HOXA5: variants seen among roughly 807,000 people sequenced by gnomAD.
The protein encoded by HOXA5 is homeobox protein Hox-A5.
A neutral mutation model predicts 20.0 loss-of-function variants in HOXA5; 12 were observed. The observed-to-expected ratio is 0.60, with a 90% CI of 0.38 to 0.97. The LOEUF (loss-of-function observed/expected upper bound fraction) is 0.97, where lower values mean the gene tolerates loss of function less well. HOXA5 is among the 50% of genes least tolerant of loss of function. The probability of loss-of-function intolerance (pLI) is 0.00; values close to 1 mark genes in which losing one functional copy is unlikely to be tolerated. For synonymous variants in HOXA5, 159 were observed against 157.7 expected (o/e 1.01, Z -0.06); for missense variants, 352 against 380.3 (o/e 0.93, Z 0.62).
At position 27,141,826 on chromosome 7, in the gene HOXA5, C is replaced by T; in HGVS notation, c.*9G>A. ...CTAATACTGCTCAGTACTTTAAACG[C>T]TCAGATACTCAGGGACGGAAGGCCC... is the stretch of plus-strand genomic sequence containing the variant. On this transcript the variant is annotated 3_prime_UTR_variant, in exon 2 of 2. Coordinates refer to ENST00000222726, the MANE Select transcript of HOXA5 (RefSeq NM_019102.4). The T allele has an allele frequency of 1.2e-6, 2 of 1,613,334 alleles. 1 individual carries two copies. The highest frequency in any genetic ancestry group is 2.2e-5 in the South Asian group (2 of 91,012).
In HOXA5 at chr7:27,142,036, G is replaced by A. The variant is rs370228653; in HGVS notation, c.612C>T (p.Arg204=). ...CCTTCTCCAGCTCCAGGGTCTGGTA[G>A]CGCGTGTAGGCCGTCCGGGCCCTTT... is the stretch of plus-strand genomic sequence containing the variant. ...EGKRARTAYT[R]YQTLELEKEF... Residue 204 remains arginine (R), a synonymous_variant, in exon 2 of 2, where the codon CGC becomes CGT. Transcript: ENST00000222726. 55 of 1,614,056 alleles carry A rather than the reference G, an allele frequency of 3.4e-5. No homozygotes were observed. The highest frequency in any genetic ancestry group is 4.7e-5 in the Non-Finnish European group (55 of 1,180,036).
In HOXA5 at chr7:27,143,087, G is replaced by T. The variant is rs765953050; in HGVS notation, c.521C>A (p.Pro174His). 3.2e-6 allele frequency: 5 copies of T among 1,557,366 alleles called. No individual in the cohort carries two copies. In the Admixed American group the frequency reaches 1.0e-4, roughly 31 times the overall value. The change falls in exon 1 of 2, where the codon CCC (proline) becomes CAC (histidine). Residue 174 changes from proline to histidine, a missense_variant. By Grantham distance (77) the Pro-to-His change is moderately conservative. This residue lies in a region of HOXA5 where 319 missense variants were observed against 336.5 expected (regional missense o/e 0.95). Coordinates refer to ENST00000222726, the MANE Select transcript of HOXA5 (RefSeq NM_019102.4). ...CTTGCGCATCCAGGGGTAGATCTGG[G>T]GTTGGGCGGGCGGCGCCGGGCTCGG... ...SEPSPAPPAQ[P>H]QIYPWMRKLH...
chr7:27,142,783 C>T (rs1280573423), intron 1 of HOXA5: 1 of 443,712 alleles, frequency 2.3e-6, no homozygotes. Context: ...GCGTGGGGTT[C>T]CAGAGGGGTT....
Position 27,142,936 on chromosome 7 carries a change from G to A in HOXA5, c.562+110C>T, listed in dbSNP as rs533347390. 20 of 1,044,896 alleles carry A rather than the reference G, an allele frequency of 1.9e-5. No individual in the cohort carries two copies. In the African/African-American group the frequency reaches 2.5e-4, roughly 13 times the overall value. The allele number at this position is 1,044,896 out of a possible 1,614,324, so 64.7% of individuals were successfully genotyped here. ...AGAACGGCAAGGAGAGCTCCGCAGG[G>A]CTGGGAGAAATGAGACCAAGAGAGA... On this transcript the variant is annotated intron_variant, in intron 1 of 1. Transcript: ENST00000222726.
chr7:27,142,362 C>T (rs892823205), intron 1 of HOXA5, among the ~76,000 whole-genome samples: 6 of 152,178 alleles, frequency 3.9e-5, no homozygotes, highest in Non-Finnish European at 8.8e-5. Flanking sequence ...CCGCCCTGCC[C>T]CGGGCGCCCC....
intron 1 of HOXA5, among the ~76,000 whole-genome samples, chr7:27,142,339 T>G (rs1403666425): frequency 6.6e-6 from 1 of 152,122 alleles, no homozygotes; most frequent in African/African-American, 2.4e-5. Flanking sequence ...CCCTGGCCCC[T>G]CTCCTGCCCC....
In HOXA5 at chr7:27,141,790, C is replaced by A. The variant is rs555485879; in HGVS notation, c.*45G>T. The stretch of plus-strand genomic sequence containing the variant: ...GAAAGTCACCTTAGTACTGACACTA[C>A]GCGGGATCCGCTAATACTGCTCAGT... On this transcript the variant is annotated 3_prime_UTR_variant, in exon 2 of 2. Transcript: ENST00000222726. The A allele has an allele frequency of 6.3e-7, 1 of 1,597,086 alleles. No homozygotes were observed. Among genetic ancestry groups the A allele is most frequent in the South Asian group, 1.1e-5 (1 of 88,002 alleles).
chr7:27,143,225 G>T lies in HOXA5; in HGVS notation c.383C>A (p.Ala128Asp). The change falls in exon 1 of 2, where the codon GCC becomes GAC. Residue 128 changes from alanine (A) to aspartate (D), a missense_variant. Coordinates refer to ENST00000222726, the MANE Select transcript of HOXA5 (RefSeq NM_019102.4). ...GTGGGTGCTGCCGGCGTCGGCCGAG[G>T]CGCCGCTGGAGTTGCTTAGGGAGTT... Reference protein sequence around the residue: ...GKNSLSNSSGASADAGSTHIS... With the variant: ...GKNSLSNSSGDSADAGSTHIS... The T allele has an allele frequency of 6.2e-7, 1 of 1,610,052 alleles. No homozygotes were observed.
At position 27,141,862 on chromosome 7, in the gene HOXA5, G is replaced by A. The variant is rs1385874675; in HGVS notation, c.786C>T (p.Ala262=). Reference sequence around the variant, plus strand: ...AGGGACGGAAGGCCCCTCCTGCCGCGGCCATGCTCATGCTTTTCAGCTTAT... The same window carrying A: ...AGGGACGGAAGGCCCCTCCTGCCGCAGCCATGCTCATGCTTTTCAGCTTAT... ...KDNKLKSMSM[A]AAGGAFRP Residue 262 remains alanine (A), a synonymous_variant, in exon 2 of 2, where the codon GCC becomes GCT. Coordinates refer to ENST00000222726, the MANE Select transcript of HOXA5 (RefSeq NM_019102.4). 6.2e-7 allele frequency: 1 copy of A among 1,614,050 alleles called. No individual in the cohort carries two copies. The highest frequency in any genetic ancestry group is 8.5e-7 in the Non-Finnish European group (1 of 1,179,998).
rs746464061 is a variant in HOXA5, at chr7:27,141,832, T to C, written c.*3A>G. ...CTGCTCAGTACTTTAAACGCTCAGATACTCAGGGACGGAAGGCCCCTCCTG... is the reference window on the plus strand; with the variant it reads ...CTGCTCAGTACTTTAAACGCTCAGACACTCAGGGACGGAAGGCCCCTCCTG... On this transcript the variant is annotated 3_prime_UTR_variant, in exon 2 of 2. Transcript: ENST00000222726. 8 of 1,613,656 alleles carry C rather than the reference T, an allele frequency of 5.0e-6. No homozygotes were observed. Among genetic ancestry groups the C allele is most frequent in the Non-Finnish European group, 6.8e-6 (8 of 1,179,956 alleles).
rs546604133 is a variant in HOXA5 at position 27,142,992 on chromosome 7, G to A, written c.562+54C>T. ...AGAGGGCGGCAGAGAAGAGAGGGGG[G>A]ACCGAGAGCCGCGTCCCCGCGGTCG... is the stretch of plus-strand genomic sequence containing the variant. On this transcript the variant is annotated intron_variant, in intron 1 of 1. Coordinates refer to ENST00000222726, the MANE Select transcript of HOXA5 (RefSeq NM_019102.4). The A allele has an allele frequency of 2.8e-4, 402 of 1,439,890 alleles. 4 individuals are homozygous for A. The African/African-American group carries it at 4.9e-3, about 17-fold the overall frequency. 89.2% of individuals were successfully genotyped at this position (1,439,890 alleles called of 1,614,324 possible). A position where few individuals can be genotyped will look rare whatever the true frequency, so the allele number is the denominator to read the frequency against.
Position 27,143,397 on chromosome 7 carries a change from G to C in HOXA5, c.211C>G (p.Arg71Gly), listed in dbSNP as rs761081495. 2 of 1,606,864 alleles carry C rather than the reference G, an allele frequency of 1.2e-6. No homozygotes were observed. The highest frequency in any genetic ancestry group is 1.7e-5 in the Admixed American group (1 of 59,494). ...SGHFGSGERA[R>G]SYAASASAAP... Reference sequence around the variant, plus strand: ...GCGCTGGCGCTGGCAGCGTAGCTGCGGGCGCGCTCTCCGGAGCCAAAGTGG... The same window carrying C: ...GCGCTGGCGCTGGCAGCGTAGCTGCCGGCGCGCTCTCCGGAGCCAAAGTGG... Residue 71 changes from arginine to glycine, a missense_variant, in exon 1 of 2, where the codon CGC becomes GGC. This residue lies in a region of HOXA5 where 319 missense variants were observed against 336.5 expected (regional missense o/e 0.95). Transcript: ENST00000222726.
Position 27,141,579 on chromosome 7 carries a change from G to T in HOXA5, c.*256C>A. On this transcript the variant is annotated 3_prime_UTR_variant, in exon 2 of 2. Coordinates refer to ENST00000222726, the MANE Select transcript of HOXA5 (RefSeq NM_019102.4). ...ATAGTTACTTCAAGTAACACAGCTT[G>T]CTTCATATAAATAAGTTAAAACATC... The T allele has an allele frequency of 2.9e-6, 1 of 348,194 alleles. No homozygotes were observed. Among genetic ancestry groups the T allele is most frequent in the Non-Finnish European group, 5.2e-6 (1 of 192,536 alleles). 21.6% of individuals were successfully genotyped at this position (348,194 alleles called of 1,614,324 possible).
chr7:27,142,209 C>T, intron 1 of HOXA5, 124 bp from the exon 2 acceptor site: 1 of 966,768 alleles, frequency 1.0e-6, no homozygotes, highest in Non-Finnish European at 1.5e-6. Flanking sequence ...CCTACCAGCC[C>T]GCACACCCCT....
chr7:27,141,536 CTCTTT>C lies in HOXA5; in HGVS notation c.*294_*298del, dbSNP rs967303762. The stretch of plus-strand genomic sequence containing the variant: ...GGGGACTTTTTGTGTGTTTTTTTTT[CTCTTT>C]TCTTTTTTTGTTATAGTTACTTCAA... On this transcript the variant is annotated 3_prime_UTR_variant, in exon 2 of 2. Transcript: ENST00000222726. The C allele has an allele frequency of 3.7e-5, 8 of 214,444 alleles. No homozygotes were observed. The highest frequency in any genetic ancestry group is 1.9e-4 in the African/African-American group (8 of 41,430). The allele number at this position is 214,444 out of a possible 1,614,324, so 13.3% of individuals were successfully genotyped here. A position where few individuals can be genotyped will look rare whatever the true frequency, so the allele number is the denominator to read the frequency against.
In HOXA5 at chr7:27,141,666, TACA is replaced by T. The variant is rs1224886211; in HGVS notation, c.*166_*168del. 1.2e-5 allele frequency: 9 copies of T among 752,926 alleles called. No homozygotes were observed. The highest frequency in any genetic ancestry group is 1.7e-5 in the Non-Finnish European group (8 of 472,844). 46.6% of individuals were successfully genotyped at this position (752,926 alleles called of 1,614,324 possible). On this transcript the variant is annotated 3_prime_UTR_variant, in exon 2 of 2. Coordinates refer to ENST00000222726, the MANE Select transcript of HOXA5 (RefSeq NM_019102.4). ...GATGAACAGAAAGCAGATCTACTTA[TACA>T]GGCGCTATAATGGCAATAAACAGGC...
chr7:27,142,864 G>T, intron 1 of HOXA5, 182 bp downstream of exon 1: 1 of 590,006 alleles, frequency 1.7e-6, no homozygotes, highest in East Asian at 3.1e-5. Flanking sequence ...ATTTGTGAGC[G>T]CAGGGTGCTC....
intron 1 of HOXA5, 166 bp downstream of exon 1, chr7:27,142,880 G>A: frequency 3.1e-6 from 2 of 637,766 alleles, no homozygotes; most frequent in African/African-American, 1.9e-5. Flanking sequence ...TGCTCGCAAA[G>A]AAGAGGAGGA....
chr7:27,142,685 C>G (rs1387861603), intron 1 of HOXA5: 1 of 273,936 alleles, frequency 3.7e-6, no homozygotes, highest in Non-Finnish European at 6.8e-6. Context: ...AATTATCCGC[C>G]GTGACAAGCC....
Sources: gnomAD v4.1 joint callset for allele counts (sites outside exome capture counted in the v4.1 genomes callset) on GRCh38, gnomAD v4.1.1 for gene constraint, gnomAD v4.1.1 regional missense constraint, MANE v1.5 for transcripts, NCBI Gene and HGNC (gene_info 2026-07-23, HGNC 2026-07-21) for gene names.